Variants in ALX4 observed in about 807,000 individuals in gnomAD.
ALX4 encodes ALX homeobox 4.
In ALX4, 22 loss-of-function variants were observed where a neutral mutation model predicts 40.6. The observed-to-expected ratio is 0.54, with a 90% CI of 0.39 to 0.77. The LOEUF (loss-of-function observed/expected upper bound fraction) is 0.77, where lower values mean the gene tolerates loss of function less well. ALX4 is among the 30% of genes least tolerant of loss of function. The pLI is 0.00. For missense variants in ALX4, 556 were observed against 564.8 expected, an observed-to-expected ratio of 0.98 and a Z score of 0.16; for synonymous variants, 266 against 240.5, an observed-to-expected ratio of 1.11 and a Z score of -0.98.
chr11:44,288,236 C>T lies in ALX4; in HGVS notation c.467-12578G>A, dbSNP rs1278281582. Reference sequence around the variant, plus strand: ...AGCTGTATATCGTATGCATGTATATCAATACATACATAAACAGAGCATATG... The same window carrying T: ...AGCTGTATATCGTATGCATGTATATTAATACATACATAAACAGAGCATATG... On this transcript the variant is annotated intron_variant, in intron 1 of 3. Transcript: ENST00000652299. Among the ~76,000 whole-genome samples, 7 of 151,890 alleles carry T rather than the reference C, an allele frequency of 4.6e-5. No homozygotes were observed. In the East Asian group the frequency reaches 1.4e-3, roughly 29 times the overall value.
At chr11:44,286,546 C>G (rs1956339723) in intron 1 of ALX4, among the ~76,000 whole-genome samples, 2 of 152,114 alleles carry the variant, frequency 1.3e-5, no homozygotes, top group South Asian at 4.1e-4. Flanking sequence ...ATCCTGGGGC[C>G]CCAGTGCCTA....
chr11:44,278,145 A>T (rs1031481754), intron 1 of ALX4, among the ~76,000 whole-genome samples: 24 of 151,706 alleles, frequency 1.6e-4, no homozygotes, highest in Non-Finnish European at 2.8e-4. Context: ...CCCAGGCCCC[A>T]TCTCACAGCC....
intron 1 of ALX4, among the ~76,000 whole-genome samples, chr11:44,294,930 A>T (rs1956394389): frequency 6.6e-6 from 1 of 151,678 alleles, no homozygotes; most frequent in Admixed American, 6.6e-5. Context: ...GCTCACTGCA[A>T]CCTCTGCCTC....
At chr11:44,306,935 G>C (rs1284798506) in intron 1 of ALX4, among the ~76,000 whole-genome samples, 8 of 152,186 alleles carry the variant, frequency 5.3e-5, no homozygotes, top group African/African-American at 7.2e-5. Context: ...GCTGCTGAGA[G>C]AGGGAAAGAA....
intron 2 of ALX4, among the ~76,000 whole-genome samples, chr11:44,274,029 C>A (rs906447900): frequency 6.6e-6 from 1 of 152,094 alleles, no homozygotes; most frequent in Non-Finnish European, 1.5e-5. Flanking sequence ...AATTCTAGCA[C>A]TTTGGGAGGT....
chr11:44,295,924 C>A (rs1009943594), intron 1 of ALX4, among the ~76,000 whole-genome samples: 3 of 152,240 alleles, frequency 2.0e-5, no homozygotes, highest in Admixed American at 6.5e-5. Flanking sequence ...GCTCTAGAGT[C>A]CTCGCCTTTG....
At chr11:44,279,266 T>C (rs887554721) in intron 1 of ALX4, among the ~76,000 whole-genome samples, 9 of 152,108 alleles carry the variant, frequency 5.9e-5, no homozygotes, top group Non-Finnish European at 1.0e-4. Flanking sequence ...CCCTTCCCCA[T>C]GACAGCCCTG....
intron 1 of ALX4, among the ~76,000 whole-genome samples, chr11:44,286,075 G>T (rs1220039938): frequency 6.6e-6 from 1 of 152,352 alleles, no homozygotes; most frequent in South Asian, 2.1e-4. Context: ...GTGTCTGCAG[G>T]AAAAGGCCCC....
At chr11:44,304,416 C>T (rs1377603354) in intron 1 of ALX4, among the ~76,000 whole-genome samples, 1 of 152,158 alleles carries the variant, frequency 6.6e-6, no homozygotes, top group East Asian at 1.9e-4. Flanking sequence ...TAAGCGTTCT[C>T]TCTTCTCTCC....
At chr11:44,308,132 T>C (rs1471175673) in intron 1 of ALX4, among the ~76,000 whole-genome samples, 1 of 152,232 alleles carries the variant, frequency 6.6e-6, no homozygotes, top group Non-Finnish European at 1.5e-5. Context: ...ATGTGGCTCA[T>C]TCGAGGCCAC....
chr11:44,301,066 G>A lies in ALX4; in HGVS notation c.466+8531C>T, dbSNP rs543926714. Among the ~76,000 whole-genome samples, 37 of 152,394 alleles carry A rather than the reference G, an allele frequency of 2.4e-4. 1 individual carries two copies. The highest frequency in any genetic ancestry group is 6.8e-3 in the Middle Eastern group (2 of 294). ...GTCTGTCTCTGCCTCTGGACCTGAA[G>A]GCAGGGGCTGCATCCAGAGCTTCCC... is the stretch of plus-strand genomic sequence containing the variant. On this transcript the variant is annotated intron_variant, in intron 1 of 3. Coordinates refer to ENST00000652299, the MANE Select transcript of ALX4 (RefSeq NM_021926.4).
At position 44,264,994 on chromosome 11, in the gene ALX4, T is replaced by A. The variant is rs779876897; in HGVS notation, c.1096A>T (p.Ser366Cys). Residue 366 changes from serine (S) to cysteine (C), a missense_variant, in exon 4 of 4, where the codon AGC becomes TGC. By Grantham distance (112) the Ser-to-Cys change is moderately radical. Transcript: ENST00000652299. ...GSHVGQTHMG[S>C]LFGAASLSPG... ...CTGAGGCTGGCTGCTCCAAACAGGC[T>A]GCCCATGTGCGTCTGGCCCACGTGA... is the stretch of plus-strand genomic sequence containing the variant. The A allele has an allele frequency of 8.3e-5, 134 of 1,612,980 alleles. No homozygotes were observed. Among genetic ancestry groups the A allele is most frequent in the Non-Finnish European group, 1.1e-4 (132 of 1,179,950 alleles).
intron 3 of ALX4, among the ~76,000 whole-genome samples, chr11:44,267,114 T>C (rs1011464185): frequency 1.3e-5 from 2 of 152,108 alleles, no homozygotes; most frequent in Non-Finnish European, 2.9e-5. Flanking sequence ...CATTCCAACT[T>C]GGCCACGAGT....
At chr11:44,268,989 T>C (rs376710390) in intron 2 of ALX4, among the ~76,000 whole-genome samples, 242 of 152,354 alleles carry the variant, frequency 1.6e-3, no homozygotes, top group African/African-American at 5.6e-3. Context: ...CCAACTTTCC[T>C]GAGGTCCAGT....
rs1201641310 is a variant in ALX4, at chr11:44,261,444, G to T, written c.*3410C>A. 6.6e-6 allele frequency: 1 copy of T among 152,174 alleles called. No homozygotes were observed. Among genetic ancestry groups the T allele is most frequent in the Non-Finnish European group, 1.5e-5 (1 of 68,056 alleles). 9.4% of individuals were successfully genotyped at this position (152,174 alleles called of 1,614,324 possible). A position where few individuals can be genotyped will look rare whatever the true frequency, so the allele number is the denominator to read the frequency against. ...ATCGCAGTGTCTTTGAGCTAACCTG[G>T]CCACCGTGCTTCCCGAAGCTGGAGG... On this transcript the variant is annotated 3_prime_UTR_variant, in exon 4 of 4. Coordinates refer to ENST00000652299, the MANE Select transcript of ALX4 (RefSeq NM_021926.4).
chr11:44,306,560 G>A (rs1466605374), intron 1 of ALX4, among the ~76,000 whole-genome samples: 1 of 152,246 alleles, frequency 6.6e-6, no homozygotes, highest in Admixed American at 6.5e-5. Context: ...GCTAGGAATG[G>A]TTGCCAGGTC....
chr11:44,308,217 G>A (rs1956480989), intron 1 of ALX4, among the ~76,000 whole-genome samples: 1 of 152,208 alleles, frequency 6.6e-6, no homozygotes, highest in Non-Finnish European at 1.5e-5. Flanking sequence ...TGTGTAGAGT[G>A]CAATTGTAGA....
intron 1 of ALX4, among the ~76,000 whole-genome samples, chr11:44,298,357 C>G (rs1590702424): frequency 6.6e-6 from 1 of 152,286 alleles, no homozygotes; most frequent in Non-Finnish European, 1.5e-5. Context: ...GGATGCCCTG[C>G]TGGGAACCCG....
At chr11:44,265,574 T>C (rs1329679664) in intron 3 of ALX4, among the ~76,000 whole-genome samples, 1 of 152,068 alleles carries the variant, frequency 6.6e-6, no homozygotes, top group South Asian at 2.1e-4. Flanking sequence ...CTCACATCCA[T>C]AGGCACCTGA....
Sources: gnomAD v4.1 joint callset for allele counts (sites outside exome capture counted in the v4.1 genomes callset) on GRCh38, gnomAD v4.1.1 for gene constraint, MANE v1.5 for transcripts, NCBI Gene and HGNC (gene_info 2026-07-23, HGNC 2026-07-21) for gene names.